The following CAPN5 variants were observed in gnomAD, a reference collection of about 807,000 sequenced individuals.
CAPN5 encodes calpain-5.
In CAPN5, 54 loss-of-function variants were observed where a neutral mutation model predicts 73.0. That is an observed-to-expected ratio of 0.74 (90% confidence interval 0.59 to 0.93). The LOEUF (loss-of-function observed/expected upper bound fraction) is 0.93, where lower values mean the gene tolerates loss of function less well. CAPN5 is among the 40% of genes least tolerant of loss of function. The pLI, the probability that CAPN5 is intolerant of heterozygous loss-of-function variation, is 0.00. For synonymous variants in CAPN5, 335 were observed against 356.9 expected (o/e 0.94, Z 0.69); for missense variants, 785 against 882.9 (o/e 0.89, Z 1.41).
chr11:77,093,631 G>T (rs782162940), intron 2 of CAPN5, 51 bp from the exon 3 acceptor site: 1 of 1,520,802 alleles, frequency 6.6e-7, no homozygotes, highest in South Asian at 1.2e-5. Context: ...GCCATGGGGG[G>T]CATCCGCATG....
intron 2 of CAPN5, chr11:77,087,900 C>T: frequency 1.3e-6 from 2 of 1,535,850 alleles, no homozygotes; most frequent in Middle Eastern, 3.3e-4. Flanking sequence ...CTTCAGCCCA[C>T]ACCCTTCACC....
rs1203191687 is a variant in CAPN5 at position 77,120,696 on chromosome 11, C to A, written c.1291-17C>A. The A allele has an allele frequency of 1.3e-6, 2 of 1,588,104 alleles. No individual in the cohort carries two copies. Among genetic ancestry groups the A allele is most frequent in the African/African-American group, 2.7e-5 (2 of 74,650 alleles). On this transcript the variant is annotated splice_polypyrimidine_tract_variant and intron_variant, in intron 9 of 12. Coordinates refer to ENST00000648180, the MANE Select transcript of CAPN5 (RefSeq NM_004055.5). ...GGGTGTGTCTCCGCGTGGCCCAGCC[C>A]CTCCCGCCTCCTGCAGGTGGAGGAG...
intron 1 of CAPN5, among the ~76,000 whole-genome samples, chr11:77,073,396 C>CTGTA (rs1462420910): frequency 2.0e-5 from 3 of 152,128 alleles, no homozygotes; most frequent in Non-Finnish European, 4.4e-5. Flanking sequence ...CTGCTTACAA[C>CTGTA]AGCGGCTCCT....
intron 1 of CAPN5, among the ~76,000 whole-genome samples, chr11:77,070,162 G>A (rs1591105680): frequency 6.6e-6 from 1 of 152,200 alleles, no homozygotes. Context: ...GTTTTCCCAG[G>A]GATAGGGGTC....
At chr11:77,095,760 A>G (rs989665932) in intron 3 of CAPN5, among the ~76,000 whole-genome samples, 3 of 152,148 alleles carry the variant, frequency 2.0e-5, no homozygotes. Context: ...CCACCTCTCA[A>G]CAGTGAAGAA....
chr11:77,086,675 G>A (rs1257864181), intron 2 of CAPN5, among the ~76,000 whole-genome samples: 1 of 152,210 alleles, frequency 6.6e-6, no homozygotes. Flanking sequence ...TTGGCTGTGG[G>A]GAGGAGGGCT....
intron 8 of CAPN5, 30 bp downstream of exon 8, chr11:77,118,382 C>T (rs201351669): frequency 6.5e-7 from 1 of 1,526,960 alleles, no homozygotes; most frequent in East Asian, 2.4e-5. Flanking sequence ...CCCACCCTGC[C>T]CTGTAGCAGC....
At chr11:77,101,919 G>T (rs1950289237) in intron 3 of CAPN5, among the ~76,000 whole-genome samples, 1 of 152,246 alleles carries the variant, frequency 6.6e-6, no homozygotes, top group Admixed American at 6.5e-5. Context: ...TGGAGTAAGT[G>T]GTGGGATTTG....
At chr11:77,121,413 C>T (rs1220190561) in intron 10 of CAPN5, among the ~76,000 whole-genome samples, 6 of 152,272 alleles carry the variant, frequency 3.9e-5, no homozygotes, top group African/African-American at 1.4e-4. Flanking sequence ...CCGCACTGCC[C>T]TCCACTGTGA....
At chr11:77,088,313 T>C (rs1555035921) in intron 2 of CAPN5, among the ~76,000 whole-genome samples, 1 of 152,154 alleles carries the variant, frequency 6.6e-6, no homozygotes, top group African/African-American at 2.4e-5. Flanking sequence ...GAGATGGCCC[T>C]ACTCCTCGGC....
rs149620556 is a variant in CAPN5 at position 77,093,825 on chromosome 11, G to T, written c.297+12G>T. The T allele has an allele frequency of 9.8e-5, 158 of 1,607,288 alleles. No individual in the cohort carries two copies. In the African/African-American group the frequency reaches 1.8e-3, roughly 19 times the overall value. On this transcript the variant is annotated intron_variant, in intron 3 of 12. Transcript: ENST00000648180. The stretch of plus-strand genomic sequence containing the variant: ...CGCTGTGGCAAAAGGTGAGGCCTCG[G>T]GCAGAGTGGGCAGGGTGCTGGGGAG...
At chr11:77,092,746 G>T (rs1242141420) in intron 2 of CAPN5, among the ~76,000 whole-genome samples, 2 of 152,232 alleles carry the variant, frequency 1.3e-5, no homozygotes, top group African/African-American at 2.4e-5. Flanking sequence ...GGAGGCCGAG[G>T]CCAGCAGATC....
At chr11:77,068,332 C>G (rs375771726) in intron 1 of CAPN5, among the ~76,000 whole-genome samples, 1 of 152,148 alleles carries the variant, frequency 6.6e-6, no homozygotes, top group South Asian at 2.1e-4. Flanking sequence ...AGGAGCCTCT[C>G]TTCTGACAAG....
At chr11:77,096,436 C>T (rs7944712) in intron 3 of CAPN5, among the ~76,000 whole-genome samples, 8,600 of 152,238 alleles carry the variant, frequency 0.056, 342 homozygotes, top group African/African-American at 0.11. Context: ...TTGCCTTTTG[C>T]GCTCTCTGCA....
chr11:77,082,968 C>T (rs1397796518), intron 1 of CAPN5, among the ~76,000 whole-genome samples: 2 of 152,214 alleles, frequency 1.3e-5, no homozygotes, highest in Admixed American at 1.3e-4. Context: ...GCCGGAAACC[C>T]GTGGTGCTAA....
At chr11:77,082,055 C>T (rs555433424) in intron 1 of CAPN5, among the ~76,000 whole-genome samples, 13 of 152,160 alleles carry the variant, frequency 8.5e-5, no homozygotes, top group African/African-American at 3.1e-4. Flanking sequence ...TGGAGGGGCA[C>T]AGGGTAGGCT....
intron 3 of CAPN5, among the ~76,000 whole-genome samples, chr11:77,110,545 C>T (rs1950401717): frequency 6.6e-6 from 1 of 152,300 alleles, no homozygotes; most frequent in East Asian, 1.9e-4. Flanking sequence ...GGGTTTGAAC[C>T]CTGCCTCCCT....
chr11:77,089,385 A>T (rs972914256), intron 2 of CAPN5, among the ~76,000 whole-genome samples: 1 of 152,144 alleles, frequency 6.6e-6, no homozygotes, highest in Admixed American at 6.5e-5. Context: ...CTCTGCTCAC[A>T]TGGGGGGTCA....
At chr11:77,123,174 C>T (rs1413319077) in intron 12 of CAPN5, among the ~76,000 whole-genome samples, 1 of 152,218 alleles carries the variant, frequency 6.6e-6, no homozygotes, top group Non-Finnish European at 1.5e-5. Context: ...TGATTCTGAA[C>T]TCAATACTAG....
Sources: allele counts gnomAD v4.1 joint callset (sites outside exome capture counted in the v4.1 genomes callset), GRCh38; gene constraint gnomAD v4.1.1; transcripts MANE v1.5; gene names NCBI Gene and HGNC (gene_info 2026-07-23, HGNC 2026-07-21).